MTA3: variants seen among roughly 807,000 people sequenced by gnomAD.
The protein encoded by MTA3 is metastasis associated 1 family member 3.
A neutral mutation model predicts 83.5 loss-of-function variants in MTA3; 34 were observed. That is an observed-to-expected ratio of 0.41 (90% confidence interval 0.31 to 0.54). The LOEUF (loss-of-function observed/expected upper bound fraction) is 0.54. Ranked by LOEUF, MTA3 falls within the 20% of genes least tolerant of loss-of-function variation. The pLI, the probability that MTA3 is intolerant of heterozygous loss-of-function variation, is 0.33. For missense variants in MTA3, 761 were observed against 726.4 expected (o/e 1.05, Z -0.55); for synonymous variants, 303 against 252.7 (o/e 1.20, Z -1.89).
intron 6 of MTA3, among the ~76,000 whole-genome samples, chr2:42,652,890 T>C (rs1378443381): frequency 6.6e-6 from 1 of 152,188 alleles, no homozygotes; most frequent in Non-Finnish European, 1.5e-5. Context: ...CTGAATTACA[T>C]ATAATATAAA....
chr2:42,633,888 CA>C lies in MTA3; in HGVS notation c.318-6271del, dbSNP rs749085536. ...TGGGCGACAGAGCGAGACTCTGTCT[CA>C]AAAAAAAAAAAAACATATTCTTTCA... On this transcript the variant is annotated intron_variant, in intron 4 of 16. Transcript: ENST00000405094. Among the ~76,000 whole-genome samples the C allele has an allele frequency of 6.5e-3, 661 of 101,042 alleles. 1 individual carries two copies. The highest frequency in any genetic ancestry group is 0.018 in the African/African-American group (501 of 27,176). The allele number at this position is 101,042 out of a possible 152,430, so 66.3% of individuals were successfully genotyped here. A position where few individuals can be genotyped will look rare whatever the true frequency, so the allele number is the denominator to read the frequency against.
At chr2:42,549,371 G>A (rs1244981199) in intron 2 of MTA3, among the ~76,000 whole-genome samples, 1 of 113,558 alleles carries the variant, frequency 8.8e-6, no homozygotes, top group East Asian at 2.4e-4. Context: ...ACGTATATAC[G>A]TATATAAAAT....
At chr2:42,728,144 T>C (rs562223853) in intron 16 of MTA3, among the ~76,000 whole-genome samples, 2 of 152,318 alleles carry the variant, frequency 1.3e-5, no homozygotes, top group Non-Finnish European at 2.9e-5. Flanking sequence ...TCTATCTCCA[T>C]GAGTTCAATT....
intron 8 of MTA3, among the ~76,000 whole-genome samples, chr2:42,661,262 G>T (rs1048965996): frequency 6.6e-6 from 1 of 152,074 alleles, no homozygotes; most frequent in Non-Finnish European, 1.5e-5. Context: ...ACTTTGGGGG[G>T]CTGAGGCCAG....
intron 3 of MTA3, among the ~76,000 whole-genome samples, chr2:42,590,868 G>A (rs941949752): frequency 1.7e-4 from 26 of 152,048 alleles, no homozygotes; most frequent in African/African-American, 5.8e-4. Context: ...TGATCTGCCC[G>A]CCTGTTTGCT....
chr2:42,620,868 T>C (rs1171477311), intron 4 of MTA3, among the ~76,000 whole-genome samples: 1 of 152,236 alleles, frequency 6.6e-6, no homozygotes, highest in Non-Finnish European at 1.5e-5. Context: ...ATACCATTTT[T>C]ACTTCAAGAT....
rs1446211858 is a variant in MTA3 at position 42,719,018 on chromosome 2, G to A, written c.1556G>A (p.Ser519Asn). Residue 519 changes from serine (S) to asparagine (N), a missense_variant, in exon 15 of 17, where the codon AGT becomes AAT. Transcript: ENST00000405094. ...GACAGACATGCTGAACTATCTGGAA[G>A]TCCACTGAAAAGCAAAAGCACTAGG... is the stretch of plus-strand genomic sequence containing the variant. ...YADRHAELSG[S>N]PLKSKSTRKP... The A allele has an allele frequency of 1.3e-6, 2 of 1,550,310 alleles. No individual in the cohort carries two copies. The highest frequency in any genetic ancestry group is 4.9e-5 in the East Asian group (2 of 40,906).
chr2:42,735,023 CTG>C (rs1487945126), intron 16 of MTA3, among the ~76,000 whole-genome samples: 7 of 152,106 alleles, frequency 4.6e-5, no homozygotes, highest in East Asian at 1.9e-4. Flanking sequence ...TTATAATATT[CTG>C]TGTTTTTCTG....
intron 14 of MTA3, among the ~76,000 whole-genome samples, chr2:42,713,155 A>C (rs1573726792): frequency 7.9e-5 from 12 of 152,350 alleles, no homozygotes; most frequent in Admixed American, 7.2e-4. Context: ...GGTGGCTTGC[A>C]GAGAGAGTGA....
intron 1 of MTA3, among the ~76,000 whole-genome samples, chr2:42,569,028 C>T (rs900492164): frequency 1.4e-4 from 21 of 152,092 alleles, no homozygotes; most frequent in African/African-American, 5.1e-4. Context: ...CAGGCCTCTA[C>T]TTGGGGGTAC....
At chr2:42,695,923 A>G (rs1693352241) in intron 10 of MTA3, 84 bp downstream of exon 10, 2 of 869,742 alleles carry the variant, frequency 2.3e-6, no homozygotes, top group Admixed American at 3.0e-5. Flanking sequence ...GCGATGTACT[A>G]CTTTTAAATT....
intron 14 of MTA3, chr2:42,709,333 T>C: frequency 1.5e-6 from 2 of 1,317,452 alleles, no homozygotes; most frequent in Non-Finnish European, 9.7e-7. Flanking sequence ...AGAGTAGTGC[T>C]TAGCAAAAGA....
chr2:42,740,049 G>A (rs566688469), intron 16 of MTA3, among the ~76,000 whole-genome samples: 16 of 152,258 alleles, frequency 1.1e-4, no homozygotes, highest in African/African-American at 3.6e-4. Flanking sequence ...TGTTAGTATT[G>A]ATATTTTGGC....
intron 16 of MTA3, among the ~76,000 whole-genome samples, chr2:42,744,579 G>T (rs898149622): frequency 1.3e-5 from 2 of 152,188 alleles, no homozygotes; most frequent in Non-Finnish European, 2.9e-5. Flanking sequence ...GGTGACCTCT[G>T]AGAAGGAAAG....
rs977613898 is a variant in MTA3, at chr2:42,656,452, T to C, written c.602+150T>C. ...GGTAAGAAAGCTTAATACGTTATGCTGCTTCCTAATTTTATTAATTTCTGT... is the reference window on the plus strand; with the variant it reads ...GGTAAGAAAGCTTAATACGTTATGCCGCTTCCTAATTTTATTAATTTCTGT... On this transcript the variant is annotated intron_variant, in intron 7 of 16. Coordinates refer to ENST00000405094, the MANE Select transcript of MTA3 (RefSeq NM_001330442.2). 61 of 419,868 alleles carry C rather than the reference T, an allele frequency of 1.5e-4. 2 individuals are homozygous for C. The highest frequency in any genetic ancestry group is 1.0e-3 in the African/African-American group (50 of 48,918). 26.0% of individuals were successfully genotyped at this position (419,868 alleles called of 1,614,324 possible).
Position 42,530,575 on chromosome 2 carries a change from G to A in MTA3, c.-141+35321G>A, listed in dbSNP as rs536336480. 5.3e-5 allele frequency among the ~76,000 whole-genome samples: 8 copies of A among 151,962 alleles called. No homozygotes were observed. The East Asian group carries it at 1.6e-3, about 30-fold the overall frequency. On this transcript the variant is annotated intron_variant, in intron 2 of 17. Coordinates refer to the MTA3 transcript ENST00000405592. ...GAGGCGGGCAGATCACCTGAGGTCGGGAGTTTGAGACCAGTCTGACCAACA... is the reference window on the plus strand; with the variant it reads ...GAGGCGGGCAGATCACCTGAGGTCGAGAGTTTGAGACCAGTCTGACCAACA...
chr2:42,562,403 T>A (rs1308941548), intron 2 of MTA3, among the ~76,000 whole-genome samples: 1 of 152,164 alleles, frequency 6.6e-6, no homozygotes, highest in Non-Finnish European at 1.5e-5. Flanking sequence ...CCTTCTGTTC[T>A]TTCCATCTTC....
At chr2:42,512,663 A>T (rs1674958056) in intron 2 of MTA3, among the ~76,000 whole-genome samples, 1 of 152,172 alleles carries the variant, frequency 6.6e-6, no homozygotes, top group Admixed American at 6.6e-5. Flanking sequence ...GTTTCCTTTG[A>T]TGATGCCAAG....
intron 16 of MTA3, among the ~76,000 whole-genome samples, chr2:42,733,599 C>G (rs2104567148): frequency 6.6e-6 from 1 of 152,320 alleles, no homozygotes; most frequent in Non-Finnish European, 1.5e-5. Context: ...AAATTTCCTT[C>G]TTAATGTTTT....
Sources: gnomAD v4.1 joint callset for allele counts (sites outside exome capture counted in the v4.1 genomes callset) on GRCh38, gnomAD v4.1.1 for gene constraint, MANE v1.5 for transcripts, NCBI Gene and HGNC (gene_info 2026-07-23, HGNC 2026-07-21) for gene names.